The following DHRS4L2 variants were observed in gnomAD, a reference collection of about 807,000 sequenced individuals.
DHRS4L2 encodes dehydrogenase/reductase 4 like 2.
DHRS4L2 carries 22 observed loss-of-function variants against 23.9 expected under a neutral mutation model. The observed-to-expected ratio is 0.92, with a 90% CI of 0.66 to 1.31. The LOEUF (loss-of-function observed/expected upper bound fraction) is 1.31. Ranked by LOEUF, DHRS4L2 falls within the 40% of genes most tolerant of loss-of-function variation. The pLI is 0.00. For missense variants in DHRS4L2, 385 were observed against 303.3 expected, an observed-to-expected ratio of 1.27 and a Z score of -2.00; for synonymous variants, 141 against 123.7, an observed-to-expected ratio of 1.14 and a Z score of -0.93.
chr14:23,994,860 G>A (rs1301231263), intron 2 of DHRS4L2, among the ~76,000 whole-genome samples, 172 bp from the exon 3 acceptor site: 2 of 151,660 alleles, frequency 1.3e-5, no homozygotes, highest in Admixed American at 6.6e-5. Context: ...CATGGCCCAG[G>A]CTTCTCTCAA....
Position 24,001,471 on chromosome 14 carries a change from G to A in DHRS4L2, c.619G>A (p.Val207Met), listed in dbSNP as rs765223297. ...AGAGCTGGCCCCAAGGAACATTAGG[G>A]TGAACTGCCTGCACCTGGACTTATC... Reference protein sequence around the residue: ...AIELAPRNIRVNCLHLDLSRL... With the variant: ...AIELAPRNIRMNCLHLDLSRL... The change falls in exon 6 of 8, where the codon GTG becomes ATG. Residue 207 changes from valine to methionine, a missense_variant. By Grantham distance (21) the Val-to-Met change is conservative. Transcript: ENST00000335125. 12 of 1,604,142 alleles carry A rather than the reference G, an allele frequency of 7.5e-6. 1 individual carries two copies. In the East Asian group the frequency reaches 2.7e-4, roughly 37 times the overall value.
At chr14:23,971,625 ATC>A (rs1290698303) in intron 1 of DHRS4L2, among the ~76,000 whole-genome samples, 3 of 152,048 alleles carry the variant, frequency 2.0e-5, no homozygotes, top group Non-Finnish European at 4.4e-5. Flanking sequence ...CTAACAGCAG[ATC>A]TCTCAGCAGA....
At chr14:23,993,130 T>C (rs1351914903) in intron 2 of DHRS4L2, among the ~76,000 whole-genome samples, 8 of 150,810 alleles carry the variant, frequency 5.3e-5, no homozygotes, top group Admixed American at 2.0e-4. Context: ...CATTGTCTCC[T>C]CCCAGCCCAA....
At position 23,989,441 on chromosome 14, in the gene DHRS4L2, G is replaced by A. The variant is rs1294143511; in HGVS notation, c.128+366G>A. On this transcript the variant is annotated intron_variant, in intron 1 of 7. Transcript: ENST00000335125. Reference sequence around the variant, plus strand: ...CTTATAACAAGGCCTCCAGCTTTTTGAAAATGTACCATTCTATTTGGGCTC... The same window carrying A: ...CTTATAACAAGGCCTCCAGCTTTTTAAAAATGTACCATTCTATTTGGGCTC... 3.3e-5 allele frequency among the ~76,000 whole-genome samples: 5 copies of A among 151,672 alleles called. No individual in the cohort carries two copies. The South Asian group carries it at 6.3e-4, about 19-fold the overall frequency.
chr14:23,989,664 G>A (rs1328479655), intron 1 of DHRS4L2, among the ~76,000 whole-genome samples: 2 of 151,674 alleles, frequency 1.3e-5, no homozygotes, highest in Admixed American at 1.3e-4. Flanking sequence ...TACAAATGTA[G>A]ATAAAATGCT....
Position 24,001,076 on chromosome 14 carries a change from C to G in DHRS4L2, c.523C>G (p.Pro175Ala). 11 of 1,611,074 alleles carry G rather than the reference C, an allele frequency of 6.8e-6. No homozygotes were observed. The highest frequency in any genetic ancestry group is 9.3e-6 in the Non-Finnish European group (11 of 1,179,402). ...CGTGTCTTCCATAGCAGCCTTCAGT[C>G]CATCTCCTGTAAGAACCCTTTTGTC... ...VIVSSIAAFS[P>A]SPGFSPYNVS... is the part of the protein sequence containing the mutation. The change falls in exon 5 of 8, where the codon CCA (proline) becomes GCA (alanine). Residue 175 changes from proline to alanine, a missense_variant. Physicochemically the swap from Pro to Ala is conservative, Grantham distance 27 (BLOSUM62 -1). Transcript: ENST00000335125.
At chr14:23,973,126 A>G (rs1295882460) in intron 1 of DHRS4L2, among the ~76,000 whole-genome samples, 1 of 151,850 alleles carries the variant, frequency 6.6e-6, no homozygotes, top group Admixed American at 6.5e-5. Flanking sequence ...CTCTTTTACT[A>G]ATCCACCAGA....
At chr14:23,988,573 C>A (rs1288374938), upstream of DHRS4L2, among the ~76,000 whole-genome samples, 15 of 151,346 alleles carry the variant, frequency 9.9e-5, no homozygotes, top group Admixed American at 9.9e-4. Context: ...TCTGAAGAAG[C>A]AAAAGCAACC....
chr14:23,987,269 T>C (rs1305986979), upstream of DHRS4L2: 3 of 323,792 alleles, frequency 9.3e-6, no homozygotes, highest in Non-Finnish European at 1.9e-5. Flanking sequence ...TAGCTGGGAC[T>C]ACAGGCAAGT....
rs538483053 is a variant in DHRS4L2 at position 23,997,707 on chromosome 14, C to T, written c.408+2574C>T. ...GCAATTCAGTCCTATCTTCCAGCTC[C>T]GCTTCTAGTTCTCTTGCTATTTCCA... is the stretch of plus-strand genomic sequence containing the variant. On this transcript the variant is annotated intron_variant, in intron 3 of 7. Coordinates refer to ENST00000335125, the MANE Select transcript of DHRS4L2 (RefSeq NM_198083.4). 2.8e-4 allele frequency among the ~76,000 whole-genome samples: 42 copies of T among 149,950 alleles called. 2 individuals are homozygous for T. Among genetic ancestry groups the T allele is most frequent in the East Asian group, 5.9e-4 (3 of 5,110 alleles).
At chr14:23,969,883 C>A in exon 1 of DHRS4L2, 1 of 409,140 alleles carries the variant, frequency 2.4e-6, no homozygotes. Flanking sequence ...CATGCTCAGT[C>A]GGGCAGCTCT....
chr14:23,974,542 C>A (rs1168228182), intron 1 of DHRS4L2, among the ~76,000 whole-genome samples: 1 of 151,512 alleles, frequency 6.6e-6, no homozygotes, highest in Admixed American at 6.6e-5. Context: ...GTCAAATAGA[C>A]ACAATAAAAA....
upstream of DHRS4L2, chr14:23,988,921 T>C (rs202140394): frequency 9.3e-4 from 1,495 of 1,609,476 alleles, 31 homozygotes; most frequent in Middle Eastern, 9.1e-3. Flanking sequence ...CTGGAAGGAG[T>C]GGAACCCAGA....
chr14:24,000,461 C>T (rs2034463438), intron 3 of DHRS4L2, among the ~76,000 whole-genome samples: 1 of 151,842 alleles, frequency 6.6e-6, no homozygotes, highest in Non-Finnish European at 1.5e-5. Flanking sequence ...CCCACATATC[C>T]AAGGTCAGGC....
chr14:23,989,150 A>G (rs1168860300), intron 1 of DHRS4L2, 75 bp downstream of exon 1: 21 of 1,533,552 alleles, frequency 1.4e-5, no homozygotes, highest in Non-Finnish European at 1.8e-5. Context: ...CTTTGCCTCC[A>G]GTGCCCCTGT....
At chr14:23,993,227 G>C (rs2034304454) in intron 2 of DHRS4L2, among the ~76,000 whole-genome samples, 1 of 151,668 alleles carries the variant, frequency 6.6e-6, no homozygotes, top group Admixed American at 6.6e-5. Flanking sequence ...GACTTACACA[G>C]AGCCAACCCA....
At chr14:23,989,682 G>A (rs2034225920) in intron 1 of DHRS4L2, among the ~76,000 whole-genome samples, 1 of 151,768 alleles carries the variant, frequency 6.6e-6, no homozygotes, top group Non-Finnish European at 1.5e-5. Context: ...GCTAATGGCT[G>A]ACAACTGCAG....
chr14:23,982,309 C>T (rs1280545604), intron 1 of DHRS4L2, among the ~76,000 whole-genome samples: 1 of 151,678 alleles, frequency 6.6e-6, no homozygotes, highest in East Asian at 1.9e-4. Context: ...CCCTAGATCC[C>T]TTAAACCTTG....
Position 23,990,288 on chromosome 14 carries a change from G to A in DHRS4L2, c.235G>A (p.Glu79Lys), listed in dbSNP as rs111455317. 3 of 1,612,522 alleles carry A rather than the reference G, an allele frequency of 1.9e-6. No individual in the cohort carries two copies. The Admixed American group carries it at 5.0e-5, about 27-fold the overall frequency. Residue 79 changes from glutamate to lysine, a missense_variant, in exon 2 of 8, where the codon GAG (glutamate) becomes AAG (lysine). Glu to Lys is a moderately conservative substitution (Grantham distance 56). Coordinates refer to ENST00000335125, the MANE Select transcript of DHRS4L2 (RefSeq NM_198083.4). Reference sequence around the variant, plus strand: ...CCAGGCGGTGGCCACGCTGCAGGGGGAGGGGCTGAGCGTGACGGGCACTGT... The same window carrying A: ...CCAGGCGGTGGCCACGCTGCAGGGGAAGGGGCTGAGCGTGACGGGCACTGT... ...VDQAVATLQG[E>K]GLSVTGTVCH...
Sources: gnomAD v4.1 joint callset for allele counts (sites outside exome capture counted in the v4.1 genomes callset) on GRCh38, gnomAD v4.1.1 for gene constraint, MANE v1.5 for transcripts, NCBI Gene and HGNC (gene_info 2026-07-23, HGNC 2026-07-21) for gene names.